The following CRYBG1 variants were observed in gnomAD, a reference collection of about 807,000 sequenced individuals.
The protein encoded by CRYBG1 is crystallin beta-gamma domain containing 1, also known as beta/gamma crystallin domain-containing protein 1.
Under a neutral mutation model 189.2 loss-of-function variants are expected in CRYBG1, and 139 were observed. The observed-to-expected ratio is 0.73, with a 90% CI of 0.64 to 0.85. The LOEUF is 0.85. Ranked by LOEUF, CRYBG1 falls within the 40% of genes least tolerant of loss-of-function variation. The pLI, the probability that CRYBG1 is intolerant of heterozygous loss-of-function variation, is 0.00. For missense variants in CRYBG1, 2,611 were observed against 2,675.8 expected, an observed-to-expected ratio of 0.98 and a Z score of 0.53; for synonymous variants, 1,023 against 1,017.1, an observed-to-expected ratio of 1.01 and a Z score of -0.11.
intron 1 of CRYBG1, among the ~76,000 whole-genome samples, chr6:106,368,493 G>C (rs1245169583): frequency 6.6e-6 from 1 of 152,188 alleles, no homozygotes; most frequent in Non-Finnish European, 1.5e-5. Flanking sequence ...ATGTATGACT[G>C]TCTAATGCTT....
chr6:106,418,821 A>G (rs1373956452), intron 1 of CRYBG1, among the ~76,000 whole-genome samples: 1 of 152,236 alleles, frequency 6.6e-6, no homozygotes, highest in Non-Finnish European at 1.5e-5. Flanking sequence ...AAAGACAGAG[A>G]AAAGAGAATA....
chr6:106,429,999 T>A (rs1176551977), intron 1 of CRYBG1, among the ~76,000 whole-genome samples: 3 of 152,228 alleles, frequency 2.0e-5, no homozygotes, highest in African/African-American at 7.2e-5. Context: ...ATATTATTTT[T>A]AAAAATCCTC....
At chr6:106,385,641 T>C (rs773375029) in intron 1 of CRYBG1, among the ~76,000 whole-genome samples, 2 of 152,202 alleles carry the variant, frequency 1.3e-5, no homozygotes, top group Non-Finnish European at 2.9e-5. Flanking sequence ...AGAATTGTTG[T>C]TTCATTGTAA....
chr6:106,526,071 T>C (rs571564932), intron 6 of CRYBG1, among the ~76,000 whole-genome samples: 3 of 152,128 alleles, frequency 2.0e-5, no homozygotes, highest in Non-Finnish European at 4.4e-5. Flanking sequence ...AAAGGCAGCT[T>C]AAAAAAAGAA....
chr6:106,367,249 C>G (rs1032693770), intron 1 of CRYBG1, among the ~76,000 whole-genome samples: 4 of 152,134 alleles, frequency 2.6e-5, no homozygotes, highest in Admixed American at 6.5e-5. Context: ...TTAGTAAGAC[C>G]TTCGAAACTT....
intron 10 of CRYBG1, among the ~76,000 whole-genome samples, chr6:106,542,063 A>T (rs983374933): frequency 6.6e-6 from 1 of 151,860 alleles, no homozygotes. Flanking sequence ...CAATTTTAAC[A>T]CTACTTTAGA....
intron 1 of CRYBG1, among the ~76,000 whole-genome samples, chr6:106,378,387 C>A (rs1389836285): frequency 1.3e-5 from 2 of 152,208 alleles, no homozygotes; most frequent in African/African-American, 4.8e-5. Flanking sequence ...AGTGTGGGGC[C>A]TGTAGATCCC....
chr6:106,520,159 T>C lies in CRYBG1; in HGVS notation c.2951T>C (p.Val984Ala). ...CCAGAGAGCTCTGAAGTTAGAGAAG[T>C]GCAGTTGCCAACTTGTCACAGTAAT... ...VIPESSEVRE[V>A]QLPTCHSNEP... The change falls in exon 4 of 22, where the codon GTG (valine) becomes GCG (alanine). Residue 984 changes from valine (V) to alanine (A), a missense_variant. By Grantham distance (64) the Val-to-Ala change is moderately conservative. Transcript: ENST00000633556. 2 of 1,614,120 alleles carry C rather than the reference T, an allele frequency of 1.2e-6. No individual in the cohort carries two copies. The highest frequency in any genetic ancestry group is 1.3e-5 in the African/African-American group (1 of 75,010).
chr6:106,478,184 G>A (rs1021620803), intron 2 of CRYBG1, among the ~76,000 whole-genome samples: 7 of 152,124 alleles, frequency 4.6e-5, no homozygotes, highest in African/African-American at 9.7e-5. Flanking sequence ...GGTTATATCC[G>A]CGCACCACAT....
chr6:106,441,246 T>C (rs914296626), intron 1 of CRYBG1, among the ~76,000 whole-genome samples: 2 of 152,004 alleles, frequency 1.3e-5, no homozygotes, highest in Non-Finnish European at 2.9e-5. Context: ...AGAAGGAGGT[T>C]AGAGTGGTAT....
intron 9 of CRYBG1, chr6:106,541,355 C>G: frequency 1.5e-6 from 1 of 669,350 alleles, no homozygotes; most frequent in Non-Finnish European, 2.8e-6. Context: ...AAAAAACACT[C>G]CTACAACGCA....
At chr6:106,457,328 C>T (rs1771909630) in intron 2 of CRYBG1, 1 of 152,104 alleles carries the variant, frequency 6.6e-6, no homozygotes, top group Non-Finnish European at 1.5e-5. Context: ...CACCGGTTCC[C>T]CTCCCATGAT....
At chr6:106,485,526 A>G (rs1216758198) in intron 2 of CRYBG1, among the ~76,000 whole-genome samples, 1 of 152,156 alleles carries the variant, frequency 6.6e-6, no homozygotes, top group African/African-American at 2.4e-5. Flanking sequence ...TAGGACTTCC[A>G]GTATTATGTT....
chr6:106,532,902 G>A (rs1340818872), intron 8 of CRYBG1, among the ~76,000 whole-genome samples: 1 of 152,206 alleles, frequency 6.6e-6, no homozygotes, highest in East Asian at 1.9e-4. Flanking sequence ...CCAAAAGAGT[G>A]TCTATGAGAT....
At chr6:106,361,423 G>A (rs1241019724) in intron 1 of CRYBG1, among the ~76,000 whole-genome samples, 4 of 152,178 alleles carry the variant, frequency 2.6e-5, no homozygotes, top group African/African-American at 9.7e-5. Context: ...AAATGATGGC[G>A]GGAACTCTGC....
intron 2 of CRYBG1, among the ~76,000 whole-genome samples, chr6:106,475,459 G>A (rs1452558663): frequency 2.0e-5 from 3 of 152,204 alleles, no homozygotes; most frequent in Admixed American, 6.5e-5. Flanking sequence ...GGGCTTTGCT[G>A]TGTGAATCAG....
rs986192219 is a variant in CRYBG1 at position 106,413,925 on chromosome 6, C to A, written c.174-37769C>A. ...TGTTTTAGGTTTTCTTGCAAAGGAA[C>A]AAATTGTACCAGACTCTCTGTCATA... On this transcript the variant is annotated intron_variant, in intron 1 of 21. Coordinates refer to ENST00000633556, the MANE Select transcript of CRYBG1 (RefSeq NM_001371242.2). 3.3e-5 allele frequency among the ~76,000 whole-genome samples: 5 copies of A among 152,292 alleles called. No individual in the cohort carries two copies. The East Asian group carries it at 7.7e-4, about 24-fold the overall frequency.
chr6:106,465,493 G>A (rs969195437), intron 2 of CRYBG1, among the ~76,000 whole-genome samples: 19 of 152,170 alleles, frequency 1.2e-4, no homozygotes, highest in African/African-American at 4.6e-4. Context: ...GAAGCTGAGG[G>A]GAGAGGAACT....
intron 1 of CRYBG1, among the ~76,000 whole-genome samples, chr6:106,403,433 G>A (rs902917816): frequency 2.0e-5 from 3 of 152,226 alleles, no homozygotes; most frequent in Non-Finnish European, 2.9e-5. Context: ...CATGGGTTGT[G>A]CAAGACCCTG....
Sources: allele counts gnomAD v4.1 joint callset (sites outside exome capture counted in the v4.1 genomes callset), GRCh38; gene constraint gnomAD v4.1.1; transcripts MANE v1.5; gene names NCBI Gene and HGNC (gene_info 2026-07-23, HGNC 2026-07-21).